The following VASP variants were observed in gnomAD, a reference collection of about 807,000 sequenced individuals.
The protein encoded by VASP is vasodilator stimulated phosphoprotein.
A neutral mutation model predicts 54.4 loss-of-function variants in VASP; 27 were observed. That is an observed-to-expected ratio of 0.50 (90% confidence interval 0.37 to 0.68). VASP has a LOEUF of 0.68. Ranked by LOEUF, VASP falls within the 30% of genes least tolerant of loss-of-function variation. VASP has a pLI of 0.00. For synonymous variants in VASP, 233 were observed against 209.8 expected, an observed-to-expected ratio of 1.11 and a Z score of -0.96; for missense variants, 488 against 528.3, an observed-to-expected ratio of 0.92 and a Z score of 0.75.
At position 45,507,521 on chromosome 19, in the gene VASP, G is replaced by T. The variant is rs558238361; in HGVS notation, c.-251G>T. The T allele has an allele frequency of 7.9e-6, 4 of 503,594 alleles. No homozygotes were observed. Among genetic ancestry groups the T allele is most frequent in the Non-Finnish European group, 1.4e-5 (4 of 285,692 alleles). 31.2% of individuals were successfully genotyped at this position (503,594 alleles called of 1,614,324 possible). A position where few individuals can be genotyped will look rare whatever the true frequency, so the allele number is the denominator to read the frequency against. On this transcript the variant is annotated 5_prime_UTR_variant, in exon 1 of 13. Transcript: ENST00000245932. This position sits in a 1 kb window ranked among gnomAD's most constrained non-coding sequence, Gnocchi z 4.4. ...ACTGTAGCCGCCACCGGCAAGGGGT[G>T]CGCGCTGGGGAGCGGACGCTGCATC...
At chr19:45,517,571 C>G in intron 1 of VASP, 92 bp from the exon 2 acceptor site, 1 of 1,507,824 alleles carries the variant, frequency 6.6e-7, no homozygotes. Flanking sequence ...CACTCTCTTC[C>G]TTCCACACAC....
At chr19:45,523,797 A>T in intron 8 of VASP, 44 bp from the exon 9 acceptor site, 2 of 1,614,044 alleles carry the variant, frequency 1.2e-6, no homozygotes, top group Non-Finnish European at 1.7e-6. Context: ...AAATGGGCAG[A>T]GGTGTGGCAG....
chr19:45,517,072 C>T (rs1197852439), intron 1 of VASP, among the ~76,000 whole-genome samples: 2 of 148,784 alleles, frequency 1.3e-5, no homozygotes, highest in East Asian at 2.0e-4. Flanking sequence ...GTGGGAGGAT[C>T]GCTTGAGCTC....
Position 45,521,383 on chromosome 19 carries a change from G to C in VASP, c.405G>C (p.Pro135=), listed in dbSNP as rs377658003. 13 of 1,573,694 alleles carry C rather than the reference G, an allele frequency of 8.3e-6. No individual in the cohort carries two copies. Among genetic ancestry groups the C allele is most frequent in the South Asian group, 1.2e-5 (1 of 85,766 alleles). The part of the protein sequence containing the change: ...PTWSVPNGPS[P]EEVEQQKRQQ... ...GGTCGGTCCCGAACGGCCCCTCCCC[G>C]GAGGAGGTGGAGCAGCAGAAAAGGT... Residue 135 remains proline, a synonymous_variant, in exon 4 of 13, where the codon CCG becomes CCC. Transcript: ENST00000245932.
intron 1 of VASP, among the ~76,000 whole-genome samples, chr19:45,515,242 C>T (rs971441870): frequency 2.0e-5 from 3 of 152,112 alleles, no homozygotes; most frequent in Admixed American, 1.3e-4. Flanking sequence ...ATTTCTGTCC[C>T]CGGAAACCTC....
intron 1 of VASP, among the ~76,000 whole-genome samples, chr19:45,516,531 GC>G (rs1265566597): frequency 6.6e-6 from 1 of 152,126 alleles, no homozygotes; most frequent in African/African-American, 2.4e-5. Context: ...GCAGCTCTGG[GC>G]TCTTGGCCTC....
chr19:45,524,117 G>A lies in VASP; in HGVS notation c.931G>A (p.Glu311Lys). ...CCCAGAATCTGTGCGGAGACCCTGG[G>A]AGAAGAACAGCACAACCTTGCCAAG... ...AQSESVRRPW[E>K]KNSTTLPRMK... is the part of the protein sequence containing the mutation. Residue 311 changes from glutamate to lysine, a missense_variant, in exon 10 of 13, where the codon GAG becomes AAG. By Grantham distance (56) the Glu-to-Lys change is moderately conservative. This residue lies in a region of VASP where 126 missense variants were observed against 134.8 expected (regional missense o/e 0.94). Transcript: ENST00000245932. 6.2e-7 allele frequency: 1 copy of A among 1,613,872 alleles called. No individual in the cohort carries two copies. Among genetic ancestry groups the A allele is most frequent in the Non-Finnish European group, 8.5e-7 (1 of 1,180,006 alleles).
intron 11 of VASP, among the ~76,000 whole-genome samples, chr19:45,525,294 T>A (rs1226856743): frequency 7.2e-5 from 11 of 152,142 alleles, no homozygotes; most frequent in Non-Finnish European, 1.6e-4. Flanking sequence ...CCAGGTGCGG[T>A]GGCTCATGCC....
rs747554500 is a variant in VASP, at chr19:45,525,975, G to A, written c.1077G>A (p.Leu359=). 5 of 1,614,154 alleles carry A rather than the reference G, an allele frequency of 3.1e-6. No homozygotes were observed. Among genetic ancestry groups the A allele is most frequent in the South Asian group, 1.1e-5 (1 of 91,072 alleles). The part of the protein sequence containing the change: ...QELLEEVKKE[L]QKVKEEIIEA... Reference sequence around the variant, plus strand: ...TTCTGGAAGAGGTGAAGAAGGAATTGCAGAAAGTGAAAGAGGAAATCATTG... The same window carrying A: ...TTCTGGAAGAGGTGAAGAAGGAATTACAGAAAGTGAAAGAGGAAATCATTG... The change falls in exon 12 of 13, where the codon TTG becomes TTA. Residue 359 remains leucine, a synonymous_variant. Coordinates refer to ENST00000245932, the MANE Select transcript of VASP (RefSeq NM_003370.4).
chr19:45,526,210 C>G lies in VASP; in HGVS notation c.*33C>G. The G allele has an allele frequency of 6.3e-7, 1 of 1,590,786 alleles. No individual in the cohort carries two copies. The highest frequency in any genetic ancestry group is 1.1e-5 in the South Asian group (1 of 87,568). On this transcript the variant is annotated 3_prime_UTR_variant, in exon 13 of 13. Transcript: ENST00000245932. ...GACCCAGAAGACCCGCTTCTCCTTT[C>G]CGCACACCCGGCCTGTCACCCTGCT...
chr19:45,510,468 C>T (rs1263371188), intron 1 of VASP, among the ~76,000 whole-genome samples: 1 of 152,126 alleles, frequency 6.6e-6, no homozygotes, highest in Non-Finnish European at 1.5e-5. Flanking sequence ...TCAGGTGATC[C>T]ACCCGCCTCG....
chr19:45,511,977 G>A (rs976182247), intron 1 of VASP, among the ~76,000 whole-genome samples: 1 of 152,112 alleles, frequency 6.6e-6, no homozygotes, highest in South Asian at 2.1e-4. Context: ...GGTGGCACAC[G>A]TTTGTAATCC....
chr19:45,521,385 A>T lies in VASP; in HGVS notation c.407A>T (p.Glu136Val). 10 of 1,574,050 alleles carry T rather than the reference A, an allele frequency of 6.4e-6. No homozygotes were observed. The highest frequency in any genetic ancestry group is 8.6e-6 in the Non-Finnish European group (10 of 1,159,796). The change falls in exon 4 of 13, where the codon GAG (glutamate) becomes GTG (valine). Residue 136 changes from glutamate to valine, a missense_variant. Physicochemically the swap from Glu to Val is moderately radical, Grantham distance 121 (BLOSUM62 -2). Transcript: ENST00000245932. Reference protein sequence around the residue: ...TWSVPNGPSPEEVEQQKRQQP... With the variant: ...TWSVPNGPSPVEVEQQKRQQP... ...TCGGTCCCGAACGGCCCCTCCCCGG[A>T]GGAGGTGGAGCAGCAGAAAAGGTGG...
At chr19:45,516,465 G>A (rs1201749195) in intron 1 of VASP, among the ~76,000 whole-genome samples, 1 of 152,178 alleles carries the variant, frequency 6.6e-6, no homozygotes, top group Non-Finnish European at 1.5e-5. Flanking sequence ...AGGCAGTGGT[G>A]GAGGGGGGTG....
At chr19:45,524,786 AACTGG>A (rs898982523) in intron 11 of VASP, 126 bp downstream of exon 11, 6 of 931,958 alleles carry the variant, frequency 6.4e-6, no homozygotes, top group Non-Finnish European at 1.0e-5. Context: ...CAAATGGAGA[AACTGG>A]ATTGGGTCAA....
chr19:45,524,640 G>A lies in VASP; in HGVS notation c.1027G>A (p.Asp343Asn). 2 of 1,613,822 alleles carry A rather than the reference G, an allele frequency of 1.2e-6. No individual in the cohort carries two copies. The highest frequency in any genetic ancestry group is 1.7e-6 in the Non-Finnish European group (2 of 1,179,910). The change falls in exon 11 of 13, where the codon GAC (aspartate) becomes AAC (asparagine). Residue 343 changes from aspartate to asparagine, a missense_variant. Asp to Asn is a conservative substitution (Grantham distance 23, BLOSUM62 1). Coordinates refer to ENST00000245932, the MANE Select transcript of VASP (RefSeq NM_003370.4). ...CACGCCCAGCTCCAGTGATTACTCG[G>A]ACCTACAGAGGGTGAAACAGGTAAC... ...PCTPSSSDYS[D>N]LQRVKQELLE...
intron 1 of VASP, among the ~76,000 whole-genome samples, chr19:45,514,275 T>A (rs1301066915): frequency 6.6e-6 from 1 of 151,980 alleles, no homozygotes; most frequent in Non-Finnish European, 1.5e-5. Context: ...AGAAATGAGA[T>A]CTGAGGACAC....
rs118092533 is a variant in VASP at position 45,511,714 on chromosome 19, G to A, written c.5+3938G>A. On this transcript the variant is annotated intron_variant, in intron 1 of 12. Coordinates refer to ENST00000245932, the MANE Select transcript of VASP (RefSeq NM_003370.4). Reference sequence around the variant, plus strand: ...TGTGTAGTTTACAGTTTTATTTATTGAACTTAAGTAGTGAGTTAGGTTTTT... The same window carrying A: ...TGTGTAGTTTACAGTTTTATTTATTAAACTTAAGTAGTGAGTTAGGTTTTT... 9.7e-3 allele frequency among the ~76,000 whole-genome samples: 1,479 copies of A among 152,238 alleles called. 62 individuals are homozygous for A. The highest frequency in any genetic ancestry group is 0.075 in the Admixed American group (1,141 of 15,278).
Position 45,507,860 on chromosome 19 carries a change from C to G in VASP, c.5+84C>G, listed in dbSNP as rs983083433. On this transcript the variant is annotated intron_variant, in intron 1 of 12. Transcript: ENST00000245932. This position sits in a 1 kb window ranked among gnomAD's most constrained non-coding sequence, Gnocchi z 4.4. ...TGTCCCCCTCCCCCCCAGCTAGCTC[C>G]GGGCTGGAATTTGGGGACAGATCCT... 1 of 881,334 alleles carries G rather than the reference C, an allele frequency of 1.1e-6. No homozygotes were observed. Among genetic ancestry groups the G allele is most frequent in the Non-Finnish European group, 1.6e-6 (1 of 631,150 alleles). The allele number at this position is 881,334 out of a possible 1,614,324, so 54.6% of individuals were successfully genotyped here.
Sources: gnomAD v4.1 joint callset for allele counts (sites outside exome capture counted in the v4.1 genomes callset) on GRCh38, gnomAD v4.1.1 for gene constraint, gnomAD v4.1.1 regional missense constraint, Gnocchi (gnomAD v3.1) non-coding constraint, MANE v1.5 for transcripts, NCBI Gene and HGNC (gene_info 2026-07-23, HGNC 2026-07-21) for gene names.